Variants in FRMPD4 observed in about 807,000 individuals in gnomAD.
The protein encoded by FRMPD4 is FERM and PDZ domain-containing protein 4.
FRMPD4 carries 22 observed loss-of-function variants against 94.1 expected under a neutral mutation model. The observed-to-expected ratio is 0.23, with a 90% confidence interval of 0.17 to 0.33. FRMPD4 has a LOEUF of 0.33. Ranked by LOEUF, FRMPD4 falls within the 10% of genes least tolerant of loss-of-function variation. The probability of loss-of-function intolerance (pLI) is 1.00; values close to 1 mark genes in which losing one functional copy is unlikely to be tolerated. For missense variants in FRMPD4, 1,111 were observed against 1,339.9 expected (o/e 0.83, Z 2.67); for synonymous variants, 631 against 548.6 (o/e 1.15, Z -2.10).
chrX:12,570,003 T>G, intron 2 of FRMPD4, among the ~76,000 whole-genome samples: 1 of 112,424 alleles, frequency 8.9e-6, no homozygotes, highest in Non-Finnish European at 1.9e-5. Context: ...CCAGGTAAAT[T>G]TAAATGGCTT....
chrX:12,197,920 G>A (rs1437282269), intron 1 of FRMPD4, among the ~76,000 whole-genome samples: 3 of 111,818 alleles, frequency 2.7e-5, no homozygotes, highest in African/African-American at 9.7e-5. Flanking sequence ...ACATATAGAT[G>A]TGTTTTGTTC....
intron 1 of FRMPD4, among the ~76,000 whole-genome samples, chrX:12,479,509 A>G (rs1467862667): frequency 9.8e-6 from 1 of 102,244 alleles, no homozygotes; most frequent in African/African-American, 3.5e-5. Context: ...TTATATATAT[A>G]TATATATTTT....
chrX:12,498,181 G>A (rs1032152994), intron 1 of FRMPD4, among the ~76,000 whole-genome samples: 7 of 112,018 alleles, frequency 6.2e-5, no homozygotes, highest in African/African-American at 2.3e-4. Flanking sequence ...AACTTCATCT[G>A]AAGTGAAAGG....
At chrX:12,425,158 A>AT (rs1260611182) in intron 1 of FRMPD4, among the ~76,000 whole-genome samples, 1 of 112,104 alleles carries the variant, frequency 8.9e-6, no homozygotes, top group Admixed American at 9.4e-5. Context: ...CTCGTGCTTA[A>AT]TTTTTTTTCT....
intron 1 of FRMPD4, among the ~76,000 whole-genome samples, chrX:12,353,464 C>G (rs1406388459): frequency 8.9e-6 from 1 of 111,988 alleles, no homozygotes; most frequent in African/African-American, 3.2e-5. Context: ...TCTCACTGGA[C>G]TCGCTAGCTG....
chrX:11,850,574 A>G (rs2053615308), intron 1 of FRMPD4, among the ~76,000 whole-genome samples: 2 of 112,646 alleles, frequency 1.8e-5, no homozygotes, highest in Non-Finnish European at 1.9e-5. Flanking sequence ...ATGTGAACAG[A>G]TAAACAAGAT....
rs144747923 is a variant in FRMPD4, at chrX:12,597,916, T to A, written c.159-11805T>A. On this transcript the variant is annotated intron_variant, in intron 2 of 16. Transcript: ENST00000675598. Reference sequence around the variant, plus strand: ...TCAGTTGAGATAAAAAGAGATCTCATTTCATTTAAATTAGGCAACATCCTC... The same window carrying A: ...TCAGTTGAGATAAAAAGAGATCTCAATTCATTTAAATTAGGCAACATCCTC... Among the ~76,000 whole-genome samples the A allele has an allele frequency of 0.011, 1,211 of 112,435 alleles. 43 individuals are homozygous for A. The East Asian group carries it at 0.11, about 10-fold the overall frequency.
chrX:12,400,404 A>G (rs1442201138), intron 1 of FRMPD4, among the ~76,000 whole-genome samples: 1 of 112,098 alleles, frequency 8.9e-6, no homozygotes, highest in East Asian at 2.8e-4. Flanking sequence ...TTACGGGAGG[A>G]GTATTCATTT....
intron 1 of FRMPD4, among the ~76,000 whole-genome samples, chrX:12,409,131 C>T (rs1379628908): frequency 6.3e-5 from 7 of 111,486 alleles, no homozygotes; most frequent in Non-Finnish European, 1.1e-4. Flanking sequence ...AAGTACTTCC[C>T]ACAACAGAAG....
At chrX:12,562,266 C>T (rs2058667022) in intron 2 of FRMPD4, among the ~76,000 whole-genome samples, 1 of 112,596 alleles carries the variant, frequency 8.9e-6, no homozygotes, top group East Asian at 2.8e-4. Flanking sequence ...TCTTAAAGTT[C>T]TATGTTCTTA....
rs5935330 is a variant in FRMPD4 at position 12,405,457 on chromosome X, A to G, written c.42-93223A>G. 7.1e-3 allele frequency among the ~76,000 whole-genome samples: 791 copies of G among 110,905 alleles called. 3 individuals are homozygous for G. Among genetic ancestry groups the G allele is most frequent in the Non-Finnish European group, 0.01 (529 of 52,883 alleles). On this transcript the variant is annotated intron_variant, in intron 1 of 16. Coordinates refer to ENST00000675598, the MANE Select transcript of FRMPD4 (RefSeq NM_001368397.1). ...TGAGATGTTTTGATACAGGCATTCC[A>G]TGCATAACAATCACATCATGGGGAA...
chrX:12,176,626 ATGAT>A (rs1386320331), intron 1 of FRMPD4, among the ~76,000 whole-genome samples: 2 of 112,549 alleles, frequency 1.8e-5, no homozygotes, highest in Admixed American at 1.9e-4. Context: ...TTTTAGGACA[ATGAT>A]TAATATTGTG....
At chrX:12,519,465 GC>G (rs1338759589) in intron 2 of FRMPD4, among the ~76,000 whole-genome samples, 1 of 111,883 alleles carries the variant, frequency 8.9e-6, no homozygotes, top group Non-Finnish European at 1.9e-5. Context: ...ATGGGGGAAA[GC>G]TTTATGACAT....
chrX:12,665,655 A>G (rs1364292648), intron 4 of FRMPD4, among the ~76,000 whole-genome samples: 1 of 112,021 alleles, frequency 8.9e-6, no homozygotes, highest in Non-Finnish European at 1.9e-5. Context: ...TCAACCCAGA[A>G]TTTCATATCC....
chrX:12,591,473 T>C (rs1363728181), intron 2 of FRMPD4, among the ~76,000 whole-genome samples: 1 of 111,888 alleles, frequency 8.9e-6, no homozygotes, highest in Non-Finnish European at 1.9e-5. Flanking sequence ...AAGAGTCAAC[T>C]GTACATCTAT....
intron 1 of FRMPD4, among the ~76,000 whole-genome samples, chrX:12,497,657 C>T (rs2057866719): frequency 9.0e-6 from 1 of 110,680 alleles, no homozygotes; most frequent in African/African-American, 3.3e-5. Context: ...AAAACTGTTC[C>T]TACATCCTTT....
intron 1 of FRMPD4, chrX:12,375,048 A>G (rs1270298667): frequency 3.6e-5 from 4 of 111,799 alleles, no homozygotes; most frequent in African/African-American, 9.8e-5. Flanking sequence ...TGGCTGTCCA[A>G]TCCCGACCTA....
intron 1 of FRMPD4, among the ~76,000 whole-genome samples, chrX:11,857,339 G>C (rs1852466): frequency 0.24 from 26,130 of 110,558 alleles, 2,299 homozygotes; most frequent in Middle Eastern, 0.28. Flanking sequence ...AAAACATCAT[G>C]ATCCTGGTAC....
chrX:12,130,102 A>AAG (rs10533802), intron 3 of FRMPD4, among the ~76,000 whole-genome samples: 24,884 of 92,324 alleles, frequency 0.27, 2,967 homozygotes, highest in Non-Finnish European at 0.29. Context: ...GAGCCAGCGG[A>AAG]AGAGAGAGAG....
Sources: allele counts gnomAD v4.1 joint callset (sites outside exome capture counted in the v4.1 genomes callset), GRCh38; gene constraint gnomAD v4.1.1; transcripts MANE v1.5; gene names NCBI Gene and HGNC (gene_info 2026-07-23, HGNC 2026-07-21).